The following PES1 variants were observed in gnomAD, a reference collection of about 807,000 sequenced individuals.
PES1 encodes pescadillo ribosomal biogenesis factor 1, also known as pescadillo homolog.
In PES1, 31 loss-of-function variants were observed where a neutral mutation model predicts 77.1. The ratio of observed to expected loss-of-function variants is 0.40; its 90% CI spans 0.30 to 0.54. The LOEUF (loss-of-function observed/expected upper bound fraction) is 0.54. PES1 is among the 20% of genes least tolerant of loss of function. The pLI is 0.45. For missense variants in PES1, 658 were observed against 771.7 expected (o/e 0.85, Z 1.75); for synonymous variants, 282 against 303.0 (o/e 0.93, Z 0.72).
At chr22:30,581,687 T>A (rs749328140) in intron 6 of PES1, 43 bp from the exon 7 acceptor site, 1 of 1,384,172 alleles carries the variant, frequency 7.2e-7, no homozygotes, top group Non-Finnish European at 1.0e-6. Context: ...GGTGCAGGGA[T>A]GGGGGCAAAG....
intron 2 of PES1, among the ~76,000 whole-genome samples, chr22:30,601,385 G>C (rs538892853): frequency 6.6e-6 from 1 of 152,152 alleles, no homozygotes; most frequent in South Asian, 2.1e-4. Flanking sequence ...TGCGATCTCA[G>C]CTCACAGCAG....
chr22:30,581,446 C>T lies in PES1; in HGVS notation c.748-38G>A, dbSNP rs752476447. 7 of 1,609,448 alleles carry T rather than the reference C, an allele frequency of 4.3e-6. No individual in the cohort carries two copies. The South Asian group carries it at 7.7e-5, about 18-fold the overall frequency. ...GGGAAGGTCAGGAGGCAGAGGACAGCCACAGCCCCTCGCCTCTGTGTGGAC... is the reference window on the plus strand; with the variant it reads ...GGGAAGGTCAGGAGGCAGAGGACAGTCACAGCCCCTCGCCTCTGTGTGGAC... On this transcript the variant is annotated intron_variant, in intron 7 of 14. Transcript: ENST00000354694.
chr22:30,600,933 C>T (rs1216645989), intron 2 of PES1, among the ~76,000 whole-genome samples: 1 of 151,936 alleles, frequency 6.6e-6, no homozygotes, highest in African/African-American at 2.4e-5. Context: ...CTGGCTGGAT[C>T]GATCTCTCTC....
chr22:30,597,877 G>GTTTTT (rs869064352), intron 2 of PES1, among the ~76,000 whole-genome samples: 8 of 90,600 alleles, frequency 8.8e-5, no homozygotes, highest in African/African-American at 2.2e-4. Context: ...CGCAGTTGAA[G>GTTTTT]TTTTGTTTTT....
At chr22:30,587,973 C>A in intron 3 of PES1, 48 bp downstream of exon 3, 1 of 1,594,050 alleles carries the variant, frequency 6.3e-7, no homozygotes, top group South Asian at 1.1e-5. Flanking sequence ...GTTAGTGGGT[C>A]ACAGAGCTGC....
At chr22:30,597,956 T>C (rs1313005467) in intron 2 of PES1, among the ~76,000 whole-genome samples, 1 of 142,174 alleles carries the variant, frequency 7.0e-6, no homozygotes, top group South Asian at 2.3e-4. Context: ...GCATCTCGGC[T>C]CACTGCAAGC....
Position 30,587,285 on chromosome 22 carries a change from C to A in PES1, c.368+1G>T, listed in dbSNP as rs2087104807. On this transcript the variant is annotated splice_donor_variant, in intron 4 of 14. Coordinates refer to ENST00000354694, the MANE Select transcript of PES1 (RefSeq NM_014303.4). LOFTEE classifies it high-confidence loss of function. ...AGTGTCCTGAGGAAAGCCCGGCTCA[C>A]CGTTCCTTGATGATGTGGTCGAGTT... 6.2e-7 allele frequency: 1 copy of A among 1,603,234 alleles called. No individual in the cohort carries two copies. The highest frequency in any genetic ancestry group is 8.5e-7 in the Non-Finnish European group (1 of 1,170,746).
At chr22:30,586,996 G>C (rs1033040687) in intron 4 of PES1, 3 of 382,636 alleles carry the variant, frequency 7.8e-6, no homozygotes, top group Non-Finnish European at 1.4e-5. Context: ...ATGGAGCCCT[G>C]GGGCTCTCCC....
chr22:30,584,565 G>A lies in PES1; in HGVS notation c.521C>T (p.Ala174Val), dbSNP rs1029686946. Residue 174 changes from alanine (A) to valine (V), a missense_variant, in exon 5 of 15, where the codon GCT (alanine) becomes GTT (valine). Coordinates refer to ENST00000354694, the MANE Select transcript of PES1 (RefSeq NM_014303.4). ...GCTCACCTTGCGCAGGGCACGGGCAGCGATAATGTAGTGCATGAACTCCAC... is the reference window on the plus strand; with the variant it reads ...GCTCACCTTGCGCAGGGCACGGGCAACGATAATGTAGTGCATGAACTCCAC... The part of the protein sequence containing the change: ...LTVEFMHYII[A>V]ARALRKVFLS... 6.2e-7 allele frequency: 1 copy of A among 1,611,810 alleles called. No homozygotes were observed. Among genetic ancestry groups the A allele is most frequent in the Non-Finnish European group, 8.5e-7 (1 of 1,178,956 alleles).
chr22:30,579,076 C>T, intron 13 of PES1, 61 bp downstream of exon 13: 2 of 1,603,892 alleles, frequency 1.2e-6, no homozygotes, highest in Non-Finnish European at 1.7e-6. Context: ...CCTTCTAGGC[C>T]AGAGCAGGCA....
chr22:30,606,404 G>T (rs576675774), intron 1 of PES1, among the ~76,000 whole-genome samples: 4 of 151,912 alleles, frequency 2.6e-5, no homozygotes, highest in East Asian at 3.9e-4. Context: ...CTAATTTATG[G>T]TTTTTTGTAT....
At chr22:30,587,524 G>GT in intron 3 of PES1, 129 bp from the exon 4 acceptor site, 1 of 677,424 alleles carries the variant, frequency 1.5e-6, no homozygotes, top group Non-Finnish European at 2.5e-6. Flanking sequence ...CTATGTGCCT[G>GT]TGTCACTGAC....
At position 30,576,910 on chromosome 22, in the gene PES1, G is replaced by C; in HGVS notation, c.*136C>G. The C allele has an allele frequency of 1.3e-6, 1 of 750,912 alleles. No individual in the cohort carries two copies. The highest frequency in any genetic ancestry group is 1.6e-5 in the South Asian group (1 of 62,338). The allele number at this position is 750,912 out of a possible 1,614,324, so 46.5% of individuals were successfully genotyped here. ...GGCTGCCCACTGGCCCAGCCAGAGAGCATGAGGGGTCAGGGCTGGCTGGAG... is the reference window on the plus strand; with the variant it reads ...GGCTGCCCACTGGCCCAGCCAGAGACCATGAGGGGTCAGGGCTGGCTGGAG... On this transcript the variant is annotated 3_prime_UTR_variant, in exon 15 of 15. Transcript: ENST00000354694.
chr22:30,598,885 A>ATTTT (rs71200084), intron 2 of PES1, among the ~76,000 whole-genome samples: 606 of 51,136 alleles, frequency 0.012, 154 homozygotes, highest in African/African-American at 0.033. Context: ...CTTAAGTAAA[A>ATTTT]TTTTTTTTTT....
intron 4 of PES1, among the ~76,000 whole-genome samples, chr22:30,585,659 T>C (rs1410744255): frequency 7.2e-6 from 1 of 138,322 alleles, no homozygotes; most frequent in Non-Finnish European, 1.5e-5. Context: ...AAATGCCCAG[T>C]CTTCAAGGAG....
chr22:30,581,327 C>T lies in PES1; in HGVS notation c.822+7G>A. The T allele has an allele frequency of 1.2e-6, 2 of 1,612,042 alleles. No individual in the cohort carries two copies. The highest frequency in any genetic ancestry group is 1.7e-6 in the Non-Finnish European group (2 of 1,178,544). On this transcript the variant is annotated splice_region_variant and intron_variant, in intron 8 of 14. Transcript: ENST00000354694. ...AGATGCCGGATGATGCTCCTGGAGC[C>T]TCTCACCTCCATACAACTCTCGGAG...
intron 12 of PES1, 75 bp from the exon 13 acceptor site, chr22:30,579,378 C>T: frequency 6.3e-7 from 1 of 1,592,594 alleles, no homozygotes; most frequent in Non-Finnish European, 8.5e-7. Flanking sequence ...AGGCCCAGGC[C>T]CCATCCTCTC....
chr22:30,598,047 C>A (rs1020797856), intron 2 of PES1, among the ~76,000 whole-genome samples: 7 of 152,154 alleles, frequency 4.6e-5, no homozygotes, highest in Middle Eastern at 3.4e-3. Context: ...CTACGCCCGG[C>A]TAGTTTTTTG....
At chr22:30,603,681 C>T (rs1424325491) in intron 2 of PES1, 2 of 152,180 alleles carry the variant, frequency 1.3e-5, no homozygotes, top group Non-Finnish European at 2.9e-5. Context: ...TGTGCCTGGC[C>T]TTAAAATATG....
Sources: gnomAD v4.1 joint callset for allele counts (sites outside exome capture counted in the v4.1 genomes callset) on GRCh38, gnomAD v4.1.1 for gene constraint, MANE v1.5 for transcripts, NCBI Gene and HGNC (gene_info 2026-07-23, HGNC 2026-07-21) for gene names.